The following SLC71A1 variants were observed in gnomAD, a reference collection of about 807,000 sequenced individuals.
SLC71A1 encodes the protein hippocampus abundant gene transcript 1.
chr1:100,064,500 A>C, the SLC71A1 span, among the ~76,000 whole-genome samples: 1 of 152,268 alleles, frequency 6.6e-6, no homozygotes, highest in African/African-American at 2.4e-5. Flanking sequence ...CATCAGCCCA[A>C]AATGTTCCCT....
the SLC71A1 span, chr1:100,081,938 A>G: frequency 1.7e-5 from 20 of 1,206,782 alleles, no homozygotes; most frequent in African/African-American, 1.7e-4. Flanking sequence ...ACTAAAAGGT[A>G]TGTAGTTTCT....
chr1:100,063,265 AAAAACAAAACAAAAC>A, the SLC71A1 span, among the ~76,000 whole-genome samples: 65 of 151,510 alleles, frequency 4.3e-4, no homozygotes, highest in African/African-American at 1.2e-3. Context: ...TGTTCTGGCA[AAAAACAAAACAAAAC>A]AAAACAAAAC....
chr1:100,082,529 TC>T, the SLC71A1 span: 2 of 296,112 alleles, frequency 6.8e-6, no homozygotes, highest in African/African-American at 4.4e-5. Context: ...TGCTACCATT[TC>T]CTTAAGGTGT....
chr1:100,069,812 A>G, the SLC71A1 span: 6 of 684,682 alleles, frequency 8.8e-6, no homozygotes, highest in Non-Finnish European at 1.6e-5. Context: ...ATAGGTTCAG[A>G]AATTCAATTT....
the SLC71A1 span, among the ~76,000 whole-genome samples, chr1:100,064,124 T>C: frequency 6.6e-6 from 1 of 152,126 alleles, no homozygotes; most frequent in Non-Finnish European, 1.5e-5. Context: ...TGTGTGTATG[T>C]ATGTGTGTGT....
chr1:100,054,226 T>A, the SLC71A1 span, among the ~76,000 whole-genome samples: 5 of 151,662 alleles, frequency 3.3e-5, no homozygotes, highest in Non-Finnish European at 7.4e-5. Context: ...TTTTATTATT[T>A]TTTTTGAGAC....
the SLC71A1 span, chr1:100,077,426 G>T: frequency 1.8e-6 from 1 of 567,896 alleles, no homozygotes; most frequent in Non-Finnish European, 3.1e-6. Flanking sequence ...TCTGCCACTT[G>T]TATATTTATA....
the SLC71A1 span, chr1:100,058,042 C>CTTTTCATT: frequency 6.6e-6 from 1 of 152,172 alleles, no homozygotes; most frequent in Admixed American, 6.6e-5. Flanking sequence ...CTGGAATTGC[C>CTTTTCATT]TTTTCATTTG....
chr1:100,049,440 C>G, the SLC71A1 span, among the ~76,000 whole-genome samples: 1 of 151,528 alleles, frequency 6.6e-6, no homozygotes, highest in Non-Finnish European at 1.5e-5. Flanking sequence ...AATATAGACT[C>G]CTTAGCATGG....
At chr1:100,047,444 C>T in the SLC71A1 span, among the ~76,000 whole-genome samples, 24 of 152,030 alleles carry the variant, frequency 1.6e-4, no homozygotes, top group South Asian at 4.1e-4. Context: ...TTTTTTGAGA[C>T]GGAGTTTTGC....
At chr1:100,067,359 C>T in the SLC71A1 span, among the ~76,000 whole-genome samples, 3 of 152,160 alleles carry the variant, frequency 2.0e-5, no homozygotes, top group African/African-American at 4.8e-5. Context: ...ATTCTGCCAC[C>T]TCAGCCTCTG....
chr1:100,071,922 A>G, the SLC71A1 span, among the ~76,000 whole-genome samples: 9 of 152,220 alleles, frequency 5.9e-5, no homozygotes, highest in Admixed American at 4.6e-4. Flanking sequence ...TATTGGAAAG[A>G]TCAGTGCAGC....
chr1:100,058,413 A>G, the SLC71A1 span, among the ~76,000 whole-genome samples: 369 of 152,314 alleles, frequency 2.4e-3, 1 homozygote, highest in African/African-American at 7.8e-3. Context: ...ACCTCTGCAT[A>G]TCAGTTTTCT....
chr1:100,079,906 AGT>A, the SLC71A1 span: 2 of 152,716 alleles, frequency 1.3e-5, no homozygotes, highest in Admixed American at 1.3e-4. Flanking sequence ...GGCTGGGCAC[AGT>A]GGCTCAATGC....
the SLC71A1 span, among the ~76,000 whole-genome samples, chr1:100,051,849 G>A: frequency 6.6e-6 from 1 of 152,024 alleles, no homozygotes; most frequent in Non-Finnish European, 1.5e-5. Context: ...TATTCAAAGT[G>A]GACTATGTTA....
At chr1:100,077,156 T>C in the SLC71A1 span, 1 of 1,227,340 alleles carries the variant, frequency 8.1e-7, no homozygotes, top group Non-Finnish European at 1.2e-6. Context: ...CTTTTTTTTT[T>C]TTTTTCAGAC....
At chr1:100,067,932 A>G in the SLC71A1 span, 39 of 1,529,358 alleles carry the variant, frequency 2.6e-5, no homozygotes, top group Middle Eastern at 1.0e-3. Flanking sequence ...GTGTTGAGGA[A>G]AAAAGTAGCC....
chr1:100,039,745 A>G, the SLC71A1 span, among the ~76,000 whole-genome samples: 1 of 152,228 alleles, frequency 6.6e-6, no homozygotes, highest in South Asian at 2.1e-4. Flanking sequence ...GCAATGAAAG[A>G]TTGTATTTTG....
At chr1:100,077,146 CTTT>C in the SLC71A1 span, 743 of 878,898 alleles carry the variant, frequency 8.5e-4, no homozygotes, top group South Asian at 1.5e-3. Context: ...TCTGATAAAT[CTTT>C]TTTTTTTTTT....
Sources: allele counts gnomAD v4.1 joint callset (sites outside exome capture counted in the v4.1 genomes callset), GRCh38; gene constraint gnomAD v4.1.1; transcripts MANE v1.5; gene names NCBI Gene and HGNC (gene_info 2026-07-23, HGNC 2026-07-21).